Variants in MANBA observed in about 807,000 individuals in gnomAD.
MANBA encodes the protein mannosidase beta.
In MANBA, 83 loss-of-function variants were observed where a neutral mutation model predicts 111.1. The observed-to-expected ratio is 0.75, with a 90% CI of 0.63 to 0.90. MANBA has a LOEUF of 0.90. MANBA is among the 40% of genes least tolerant of loss of function. MANBA has a pLI of 0.00. For missense variants in MANBA, 1,036 were observed against 1,069.0 expected, an observed-to-expected ratio of 0.97 and a Z score of 0.43; for synonymous variants, 370 against 378.7, an observed-to-expected ratio of 0.98 and a Z score of 0.27.
At chr4:102,672,629 C>G (rs1243810104) in intron 8 of MANBA, among the ~76,000 whole-genome samples, 2 of 152,204 alleles carry the variant, frequency 1.3e-5, no homozygotes, top group Non-Finnish European at 2.9e-5. Context: ...AGGCCACGGA[C>G]TGGACCATGG....
At chr4:102,715,984 C>A (rs1722310757) in intron 4 of MANBA, among the ~76,000 whole-genome samples, 1 of 151,994 alleles carries the variant, frequency 6.6e-6, no homozygotes. Context: ...CTAATAGTTA[C>A]AAAGAATATT....
At chr4:102,705,320 TC>T (rs1443799885) in intron 5 of MANBA, among the ~76,000 whole-genome samples, 1 of 152,136 alleles carries the variant, frequency 6.6e-6, no homozygotes, top group African/African-American at 2.4e-5. Context: ...GAGAGGGAGC[TC>T]CTAAGCGGTT....
chr4:102,713,882 G>A (rs1370504387), intron 5 of MANBA, among the ~76,000 whole-genome samples: 8 of 141,640 alleles, frequency 5.6e-5, no homozygotes, highest in Admixed American at 2.2e-4. Context: ...GGCAACAAGA[G>A]TGAAACTCCA....
At position 102,662,551 on chromosome 4, in the gene MANBA, C is replaced by CA. The variant is rs35519059; in HGVS notation, c.1485+2133dup. 333 of 84,850 alleles carry CA rather than the reference C, an allele frequency of 3.9e-3. 2 individuals carry two copies. The highest frequency in any genetic ancestry group is 0.013 in the Middle Eastern group (2 of 156). 5.3% of individuals were successfully genotyped at this position (84,850 alleles called of 1,614,324 possible). A position where few individuals can be genotyped will look rare whatever the true frequency, so the allele number is the denominator to read the frequency against. On this transcript the variant is annotated intron_variant, in intron 11 of 16. Coordinates refer to ENST00000647097, the MANE Select transcript of MANBA (RefSeq NM_005908.4). ...AGATGAGACAGATGAGACTCCATCTCAAAAAAAAAAAAAAAAAAAAAGTTA... is the reference window on the plus strand; with the variant it reads ...AGATGAGACAGATGAGACTCCATCTCAAAAAAAAAAAAAAAAAAAAAAGTTA...
chr4:102,674,459 A>G (rs1189945783), intron 7 of MANBA, among the ~76,000 whole-genome samples: 1 of 152,254 alleles, frequency 6.6e-6, no homozygotes, highest in African/African-American at 2.4e-5. Context: ...GTGTTGTTAA[A>G]AGGTAGCCAA....
intron 12 of MANBA, among the ~76,000 whole-genome samples, chr4:102,651,380 T>C (rs899572431): frequency 2.0e-5 from 3 of 152,090 alleles, no homozygotes; most frequent in Non-Finnish European, 2.9e-5. Context: ...GATCTTTCTT[T>C]TGTCGTCAGC....
At chr4:102,642,382 T>C (rs376688490) in intron 13 of MANBA, among the ~76,000 whole-genome samples, 8 of 151,980 alleles carry the variant, frequency 5.3e-5, no homozygotes, top group Middle Eastern at 3.2e-3. Flanking sequence ...CTGGGGTGGG[T>C]GAATCACGAG....
intron 5 of MANBA, among the ~76,000 whole-genome samples, chr4:102,696,668 C>T (rs559628642): frequency 3.9e-5 from 6 of 152,284 alleles, no homozygotes; most frequent in African/African-American, 1.4e-4. Context: ...GATGCTTCAT[C>T]TCACTGGGGG....
At chr4:102,673,080 A>G (rs1340219871) in intron 8 of MANBA, among the ~76,000 whole-genome samples, 1 of 152,108 alleles carries the variant, frequency 6.6e-6, no homozygotes. Flanking sequence ...TATCTGCTAC[A>G]TTGTATCCTC....
At chr4:102,673,681 T>C (rs1304683484) in intron 8 of MANBA, among the ~76,000 whole-genome samples, 1 of 152,226 alleles carries the variant, frequency 6.6e-6, no homozygotes, top group African/African-American at 2.4e-5. Flanking sequence ...AATAGTTTTC[T>C]AAAAATCGAA....
chr4:102,703,630 TG>T (rs1733162885), intron 5 of MANBA, among the ~76,000 whole-genome samples: 1 of 152,204 alleles, frequency 6.6e-6, no homozygotes, highest in Non-Finnish European at 1.5e-5. Flanking sequence ...CTGCACTGGA[TG>T]GATCAGCTGA....
intron 14 of MANBA, among the ~76,000 whole-genome samples, chr4:102,637,020 A>T (rs997784903): frequency 9.9e-5 from 15 of 152,136 alleles, no homozygotes; most frequent in South Asian, 2.1e-4. Context: ...ATCGTTTTAT[A>T]AAGAAGGAGT....
intron 1 of MANBA, among the ~76,000 whole-genome samples, chr4:102,735,508 T>A (rs902553561): frequency 6.3e-5 from 7 of 111,116 alleles, no homozygotes; most frequent in African/African-American, 1.1e-4. Context: ...TTTCTCTTAC[T>A]AAGAGAAAAT....
intron 7 of MANBA, among the ~76,000 whole-genome samples, chr4:102,688,412 C>CACACACACACAT (rs1732321065): frequency 6.6e-6 from 1 of 151,898 alleles, no homozygotes; most frequent in African/African-American, 2.4e-5. Flanking sequence ...CACACACACA[C>CACACACACACAT]ACACATTCAC....
intron 5 of MANBA, among the ~76,000 whole-genome samples, chr4:102,706,842 T>G (rs761445486): frequency 7.2e-5 from 11 of 152,088 alleles, no homozygotes; most frequent in South Asian, 2.1e-4. Context: ...ATTTCAGAAC[T>G]TGAGGACAGA....
chr4:102,716,989 T>G (rs1245001241), intron 4 of MANBA, among the ~76,000 whole-genome samples: 1 of 152,238 alleles, frequency 6.6e-6, no homozygotes, highest in Non-Finnish European at 1.5e-5. Context: ...GATTCTCATA[T>G]TCAGAATGAA....
chr4:102,696,543 T>G (rs762615873), intron 5 of MANBA, among the ~76,000 whole-genome samples: 34 of 152,176 alleles, frequency 2.2e-4, no homozygotes, highest in Non-Finnish European at 3.8e-4. Flanking sequence ...GTGTCGCAGT[T>G]AAGAATACAG....
At chr4:102,638,310 C>A (rs1729717442) in intron 14 of MANBA, among the ~76,000 whole-genome samples, 1 of 152,054 alleles carries the variant, frequency 6.6e-6, no homozygotes, top group African/African-American at 2.4e-5. Flanking sequence ...GCTATAGACC[C>A]AGGTACTCAG....
rs146435421 is a variant in MANBA, at chr4:102,730,611, G to C, written c.178-3928C>G. On this transcript the variant is annotated intron_variant, in intron 1 of 16. Coordinates refer to ENST00000647097, the MANE Select transcript of MANBA (RefSeq NM_005908.4). The stretch of plus-strand genomic sequence containing the variant: ...GCTCACTCCCAAAGCCTGACAAGTT[G>C]ATGCCATTGCTGTCTGAGGCCGCCT... The C allele has an allele frequency of 3.8e-3, 2,069 of 541,912 alleles. 30 individuals are homozygous for C. The highest frequency in any genetic ancestry group is 0.023 in the African/African-American group (1,225 of 52,160). The allele number at this position is 541,912 out of a possible 1,614,324, so 33.6% of individuals were successfully genotyped here. A position where few individuals can be genotyped will look rare whatever the true frequency, so the allele number is the denominator to read the frequency against.
Sources: gnomAD v4.1 joint callset for allele counts (sites outside exome capture counted in the v4.1 genomes callset) on GRCh38, gnomAD v4.1.1 for gene constraint, MANE v1.5 for transcripts, NCBI Gene and HGNC (gene_info 2026-07-23, HGNC 2026-07-21) for gene names.